WWOX: variants seen among roughly 807,000 people sequenced by gnomAD.
WWOX encodes WW domain containing oxidoreductase.
WWOX carries 69 observed loss-of-function variants against 46.2 expected under a neutral mutation model. That is an observed-to-expected ratio of 1.49 (90% confidence interval 1.23 to 1.82). The LOEUF is 1.82. WWOX is among the 40% of genes most tolerant of loss of function. The pLI, the probability that WWOX is intolerant of heterozygous loss-of-function variation, is 0.00. For synonymous variants in WWOX, 359 were observed against 202.6 expected (o/e 1.77, Z -6.56); for missense variants, 919 against 542.6 (o/e 1.69, Z -6.89).
At chr16:78,784,471 T>A (rs541917260) in intron 8 of WWOX, among the ~76,000 whole-genome samples, 1 of 152,190 alleles carries the variant, frequency 6.6e-6, no homozygotes, top group South Asian at 2.1e-4. Context: ...ATTATTAATA[T>A]ACTAGATAAG....
intron 8 of WWOX, among the ~76,000 whole-genome samples, chr16:79,083,670 C>T (rs1347733417): frequency 2.0e-5 from 3 of 152,154 alleles, no homozygotes; most frequent in African/African-American, 4.8e-5. Context: ...AATTGCACGG[C>T]ACAGAGGGAA....
chr16:78,120,185 CAT>C (rs2033017773), intron 4 of WWOX, among the ~76,000 whole-genome samples: 1 of 152,116 alleles, frequency 6.6e-6, no homozygotes, highest in Non-Finnish European at 1.5e-5. Flanking sequence ...TGCATACTTA[CAT>C]ATCAAAATGT....
intron 8 of WWOX, among the ~76,000 whole-genome samples, chr16:78,717,895 C>T (rs1275686157): frequency 6.6e-6 from 1 of 152,150 alleles, no homozygotes; most frequent in African/African-American, 2.4e-5. Flanking sequence ...TGGTTTGAAA[C>T]CTATTCACGA....
chr16:78,471,998 A>C (rs17638536), intron 8 of WWOX, among the ~76,000 whole-genome samples: 2 of 152,198 alleles, frequency 1.3e-5, no homozygotes, highest in African/African-American at 2.4e-5. Flanking sequence ...CCAATGTTTC[A>C]CTTTATTCAG....
At chr16:79,110,129 G>C (rs147604583) in intron 8 of WWOX, among the ~76,000 whole-genome samples, 2 of 152,186 alleles carry the variant, frequency 1.3e-5, no homozygotes, top group East Asian at 3.9e-4. Context: ...TTTAATCAGC[G>C]ACTCCTATGG....
chr16:78,931,612 A>G (rs757982938), intron 8 of WWOX, among the ~76,000 whole-genome samples: 27 of 152,232 alleles, frequency 1.8e-4, no homozygotes, highest in Non-Finnish European at 3.5e-4. Flanking sequence ...AGGCACATAT[A>G]AAAGTAATTA....
intron 1 of WWOX, among the ~76,000 whole-genome samples, chr16:78,107,616 C>T (rs1411770098): frequency 6.6e-6 from 1 of 150,772 alleles, no homozygotes; most frequent in Non-Finnish European, 1.5e-5. Context: ...TTAACTACCT[C>T]TTGGGACCAG....
chr16:78,389,238 C>A (rs1446508260), intron 6 of WWOX, among the ~76,000 whole-genome samples: 1 of 152,250 alleles, frequency 6.6e-6, no homozygotes, highest in African/African-American at 2.4e-5. Flanking sequence ...GGCTGCAACA[C>A]TAGCATTCAA....
chr16:78,433,805 T>TTTTC lies in WWOX; in HGVS notation c.1056+1055_1056+1056insTCTT, dbSNP rs1320494082. Among the ~76,000 whole-genome samples, 6 of 115,434 alleles carry TTTTC rather than the reference T, an allele frequency of 5.2e-5. No homozygotes were observed. In the East Asian group the frequency reaches 1.8e-3, roughly 35 times the overall value. The allele number at this position is 115,434 out of a possible 152,430, so 75.7% of individuals were successfully genotyped here. A position where few individuals can be genotyped will look rare whatever the true frequency, so the allele number is the denominator to read the frequency against. On this transcript the variant is annotated intron_variant, in intron 8 of 8. Coordinates refer to ENST00000566780, the MANE Select transcript of WWOX (RefSeq NM_016373.4). Reference sequence around the variant, plus strand: ...TTTTTTTTTTTTTTTTTTTTTTTTTTTTGAGACGGAGTCTCGCTCTGTCGC... The same window carrying TTTTC: ...TTTTTTTTTTTTTTTTTTTTTTTTTTTTTCTTGAGACGGAGTCTCGCTCTGTCGC...
chr16:78,439,048 A>G (rs1306469773), intron 8 of WWOX, among the ~76,000 whole-genome samples: 4 of 152,156 alleles, frequency 2.6e-5, no homozygotes, highest in Admixed American at 6.5e-5. Context: ...CCCCCTTTCC[A>G]TCTTTAAATA....
chr16:78,803,325 A>C (rs919495882), intron 8 of WWOX, among the ~76,000 whole-genome samples: 10 of 152,080 alleles, frequency 6.6e-5, no homozygotes, highest in Non-Finnish European at 1.5e-4. Context: ...TTGGCCAGAA[A>C]GTCTATAGTC....
chr16:78,361,048 C>G (rs1453461278), intron 5 of WWOX, among the ~76,000 whole-genome samples: 3 of 152,060 alleles, frequency 2.0e-5, no homozygotes, highest in Non-Finnish European at 2.9e-5. Flanking sequence ...GTTTTGAGCT[C>G]CTGGGCTCAA....
At chr16:79,147,820 C>T (rs2050208334) in intron 8 of WWOX, among the ~76,000 whole-genome samples, 1 of 152,160 alleles carries the variant, frequency 6.6e-6, no homozygotes, top group Non-Finnish European at 1.5e-5. Flanking sequence ...AATTAAATTG[C>T]CCTGATAGCT....
intron 8 of WWOX, among the ~76,000 whole-genome samples, chr16:79,006,682 T>C (rs753364045): frequency 6.6e-6 from 1 of 152,006 alleles, no homozygotes; most frequent in Non-Finnish European, 1.5e-5. Flanking sequence ...AAGATCCAGG[T>C]GTAGGTGGGG....
intron 8 of WWOX, among the ~76,000 whole-genome samples, chr16:78,642,013 A>G (rs867977404): frequency 2.2e-4 from 34 of 152,344 alleles, no homozygotes; most frequent in Admixed American, 2.0e-3. Context: ...GGGAAAAAGA[A>G]GAAAAACAGC....
chr16:78,440,430 C>A (rs776690881), intron 8 of WWOX, among the ~76,000 whole-genome samples: 1 of 152,108 alleles, frequency 6.6e-6, no homozygotes, highest in African/African-American at 2.4e-5. Flanking sequence ...GTCAAGGAAG[C>A]AGTTTTGGTC....
intron 5 of WWOX, among the ~76,000 whole-genome samples, chr16:78,260,360 T>C (rs1026520899): frequency 5.3e-5 from 8 of 151,602 alleles, no homozygotes; most frequent in Non-Finnish European, 8.8e-5. Context: ...CGAAGCCAGA[T>C]AAATTCACAA....
At chr16:78,404,691 C>G (rs2082486118) in intron 6 of WWOX, among the ~76,000 whole-genome samples, 1 of 152,124 alleles carries the variant, frequency 6.6e-6, no homozygotes, top group Admixed American at 6.5e-5. Flanking sequence ...CTTTTCCATC[C>G]AAGGGCACTA....
At chr16:78,524,539 G>C (rs1052423292) in intron 8 of WWOX, among the ~76,000 whole-genome samples, 1 of 151,800 alleles carries the variant, frequency 6.6e-6, no homozygotes, top group Non-Finnish European at 1.5e-5. Context: ...TTCTACCTCA[G>C]CCTCCCGAGT....
Sources: allele counts gnomAD v4.1 joint callset (sites outside exome capture counted in the v4.1 genomes callset), GRCh38; gene constraint gnomAD v4.1.1; transcripts MANE v1.5; gene names NCBI Gene and HGNC (gene_info 2026-07-23, HGNC 2026-07-21).